The following UBE2L3 variants were observed in gnomAD, a reference collection of about 807,000 sequenced individuals.
UBE2L3 encodes the protein ubiquitin conjugating enzyme E2 L3.
In UBE2L3, 1 loss-of-function variant was observed where a neutral mutation model predicts 17.8. That is an observed-to-expected ratio of 0.06 (90% CI 0.02 to 0.27). The LOEUF (loss-of-function observed/expected upper bound fraction) is 0.27. UBE2L3 is among the 10% of genes least tolerant of loss of function. The probability of loss-of-function intolerance (pLI) is 1.00; values close to 1 mark genes in which losing one functional copy is unlikely to be tolerated. For missense variants in UBE2L3, 40 were observed against 192.6 expected (o/e 0.21, Z 4.69); for synonymous variants, 44 against 68.5 (o/e 0.64, Z 1.76).
chr22:21,564,302 A>G (rs1176494485), upstream of UBE2L3, among the ~76,000 whole-genome samples: 2 of 152,096 alleles, frequency 1.3e-5, no homozygotes, highest in African/African-American at 4.8e-5. Context: ...CCCAAGTGCT[A>G]GGATTACAGG....
chr22:21,588,492 G>C (rs181089926), intron 1 of UBE2L3, among the ~76,000 whole-genome samples: 1 of 127,776 alleles, frequency 7.8e-6, no homozygotes, highest in Admixed American at 8.3e-5. Context: ...TTTTGAGATA[G>C]GGTCTCACTC....
chr22:21,583,090 G>A (rs375910936), intron 1 of UBE2L3, among the ~76,000 whole-genome samples: 7 of 152,300 alleles, frequency 4.6e-5, no homozygotes. Context: ...TGAGTGCCCT[G>A]AGTTGGTAAA....
Position 21,621,791 on chromosome 22 carries a change from A to G in UBE2L3, c.*122A>G. On this transcript the variant is annotated 3_prime_UTR_variant, in exon 4 of 4. Coordinates refer to ENST00000342192, the MANE Select transcript of UBE2L3 (RefSeq NM_003347.4). ...CCACCGCCTGGCGTTCGCTTGTGGCAGTTACTAACTTTCTACAGTTTTCTT... is the reference window on the plus strand; with the variant it reads ...CCACCGCCTGGCGTTCGCTTGTGGCGGTTACTAACTTTCTACAGTTTTCTT... The G allele has an allele frequency of 1.4e-6, 1 of 697,988 alleles. No homozygotes were observed. The highest frequency in any genetic ancestry group is 2.0e-5 in the South Asian group (1 of 49,158). The allele number at this position is 697,988 out of a possible 1,614,324, so 43.2% of individuals were successfully genotyped here.
intron 1 of UBE2L3, among the ~76,000 whole-genome samples, chr22:21,582,058 T>C (rs1224404248): frequency 6.7e-6 from 1 of 149,934 alleles, no homozygotes. Context: ...AGGCGGAGGT[T>C]GCAGCGAGCC....
chr22:21,567,800 G>T, intron 1 of UBE2L3, 29 bp downstream of exon 1: 2 of 1,570,442 alleles, frequency 1.3e-6, no homozygotes, highest in South Asian at 1.2e-5. Context: ...CAGCGGCCGG[G>T]CGTGGGGCGG....
At chr22:21,556,002 G>C (rs1926212202) in intron 1 of UBE2L3, among the ~76,000 whole-genome samples, 1 of 152,208 alleles carries the variant, frequency 6.6e-6, no homozygotes, top group Admixed American at 6.5e-5. Context: ...TGGGAGGCGG[G>C]GATGGGTGGA....
chr22:21,621,684 G>T lies in UBE2L3; in HGVS notation c.*15G>T. ...CTGTGGACTAAAATCTGCCACGATT[G>T]GTTCCAGCAAGTGTGAGCAGAGACC... On this transcript the variant is annotated 3_prime_UTR_variant, in exon 4 of 4. Transcript: ENST00000342192. 1 of 1,593,940 alleles carries T rather than the reference G, an allele frequency of 6.3e-7. No homozygotes were observed. The highest frequency in any genetic ancestry group is 8.6e-7 in the Non-Finnish European group (1 of 1,166,834).
chr22:21,601,147 G>A (rs1010813630), intron 2 of UBE2L3, among the ~76,000 whole-genome samples: 3 of 151,858 alleles, frequency 2.0e-5, no homozygotes, highest in African/African-American at 2.4e-5. Flanking sequence ...CTCCAGCCTC[G>A]GTGACAGAGC....
At chr22:21,599,876 T>C (rs913148051) in intron 2 of UBE2L3, among the ~76,000 whole-genome samples, 1 of 152,190 alleles carries the variant, frequency 6.6e-6, no homozygotes, top group Non-Finnish European at 1.5e-5. Flanking sequence ...GTATGAGAAG[T>C]ACTCATGGCT....
At chr22:21,597,753 T>A (rs1928610813) in intron 2 of UBE2L3, among the ~76,000 whole-genome samples, 1 of 148,374 alleles carries the variant, frequency 6.7e-6, no homozygotes, top group Non-Finnish European at 1.5e-5. Flanking sequence ...TAAATTTGGA[T>A]CTTTGATCCA....
At chr22:21,580,540 C>G (rs949108676) in intron 1 of UBE2L3, among the ~76,000 whole-genome samples, 9 of 148,880 alleles carry the variant, frequency 6.0e-5, no homozygotes, top group Non-Finnish European at 1.0e-4. Context: ...GCCTCTGCCT[C>G]CTGAGTTAAA....
intron 1 of UBE2L3, among the ~76,000 whole-genome samples, chr22:21,560,527 T>C (rs1926397151): frequency 6.7e-6 from 1 of 148,840 alleles, no homozygotes; most frequent in Non-Finnish European, 1.5e-5. Flanking sequence ...CTTGGCTCAC[T>C]GTAACTTCTG....
chr22:21,602,218 A>G (rs1928906338), intron 2 of UBE2L3, among the ~76,000 whole-genome samples: 1 of 152,206 alleles, frequency 6.6e-6, no homozygotes, highest in Non-Finnish European at 1.5e-5. Context: ...AACAGTGCAC[A>G]GGACCCTTCA....
intron 1 of UBE2L3, among the ~76,000 whole-genome samples, chr22:21,584,289 T>C (rs368924677): frequency 4.0e-5 from 6 of 151,868 alleles, no homozygotes; most frequent in African/African-American, 1.4e-4. Context: ...GCGATTCTTC[T>C]GCCTTAGCCT....
intron 1 of UBE2L3, among the ~76,000 whole-genome samples, chr22:21,579,157 A>G (rs1185798245): frequency 1.3e-5 from 2 of 151,704 alleles, no homozygotes; most frequent in East Asian, 3.9e-4. Context: ...CGCCTGGCTA[A>G]TTTTTGTATT....
intron 1 of UBE2L3, among the ~76,000 whole-genome samples, chr22:21,590,832 G>C (rs986643909): frequency 3.9e-5 from 6 of 152,096 alleles, no homozygotes; most frequent in Admixed American, 2.6e-4. Flanking sequence ...TCCCACCCCA[G>C]ATTCCTTTTT....
At chr22:21,556,538 T>C (rs1424761864) in intron 1 of UBE2L3, among the ~76,000 whole-genome samples, 20 of 152,196 alleles carry the variant, frequency 1.3e-4, no homozygotes, top group Admixed American at 3.3e-4. Context: ...TAAGCAATCC[T>C]CTCACTTCAG....
chr22:21,602,022 C>T (rs1177994717), intron 2 of UBE2L3, among the ~76,000 whole-genome samples: 3 of 151,728 alleles, frequency 2.0e-5, no homozygotes, highest in South Asian at 2.1e-4. Context: ...CAGGGCAAGC[C>T]GCGTCCCCTT....
chr22:21,587,825 A>C (rs543278839), intron 1 of UBE2L3, among the ~76,000 whole-genome samples: 16 of 152,148 alleles, frequency 1.1e-4, no homozygotes, highest in African/African-American at 3.9e-4. Context: ...GTGGGCATCA[A>C]GCTCTCTGGG....
Sources: allele counts gnomAD v4.1 joint callset (sites outside exome capture counted in the v4.1 genomes callset), GRCh38; gene constraint gnomAD v4.1.1; transcripts MANE v1.5; gene names NCBI Gene and HGNC (gene_info 2026-07-23, HGNC 2026-07-21).